Variants in TMED8 observed in about 807,000 individuals in gnomAD.
The protein encoded by TMED8 is transmembrane p24 trafficking protein family member 8, also known as protein TMED8.
In TMED8, 15 loss-of-function variants were observed where a neutral mutation model predicts 32.7. The ratio of observed to expected loss-of-function variants is 0.46; its 90% CI spans 0.31 to 0.71. TMED8 has a LOEUF of 0.71. Ranked by LOEUF, TMED8 falls within the 30% of genes least tolerant of loss-of-function variation. The probability of loss-of-function intolerance (pLI) is 0.06; values close to 1 mark genes in which losing one functional copy is unlikely to be tolerated. For synonymous variants in TMED8, 147 were observed against 161.4 expected (o/e 0.91, Z 0.68); for missense variants, 390 against 423.9 (o/e 0.92, Z 0.70).
intron 1 of TMED8, among the ~76,000 whole-genome samples, chr14:77,372,161 T>C (rs1893690595): frequency 6.6e-6 from 1 of 152,196 alleles, no homozygotes; most frequent in African/African-American, 2.4e-5. Flanking sequence ...ACTTAATTTA[T>C]CATTGATGGC....
chr14:77,373,899 G>GTC (rs370626867), intron 1 of TMED8, among the ~76,000 whole-genome samples: 6 of 151,164 alleles, frequency 4.0e-5, no homozygotes, highest in Non-Finnish European at 5.9e-5. Context: ...ACCTCCTCCC[G>GTC]TCTCTCTCTC....
intron 2 of TMED8, among the ~76,000 whole-genome samples, chr14:77,350,671 G>A (rs909523144): frequency 8.5e-5 from 13 of 152,048 alleles, no homozygotes; most frequent in African/African-American, 2.9e-4. Context: ...TTTAAGGCTC[G>A]GTGTGGTGGC....
Position 77,343,311 on chromosome 14 carries a change from C to T in TMED8, c.627G>A (p.Ala209=), listed in dbSNP as rs147229178. The T allele has an allele frequency of 9.7e-5, 156 of 1,614,168 alleles. No homozygotes were observed. The highest frequency in any genetic ancestry group is 1.2e-4 in the Non-Finnish European group (145 of 1,180,026). Residue 209 remains alanine (A), a synonymous_variant, in exon 5 of 6, where the codon GCG becomes GCA. Transcript: ENST00000216468. ...PEGKRVCWEF[A]TDDYDIGFGV... is the part of the protein sequence containing the mutation. ...CAAAGCCAATGTCATAGTCATCGGT[C>T]GCAAACTCCCAGCAGACACGCTTCC...
rs1193769758 is a variant in TMED8 at position 77,335,591 on chromosome 14, A to G, written c.*6180T>C. 6.6e-6 allele frequency: 1 copy of G among 152,190 alleles called. No homozygotes were observed. Among genetic ancestry groups the G allele is most frequent in the Non-Finnish European group, 1.5e-5 (1 of 68,000 alleles). The allele number at this position is 152,190 out of a possible 1,614,324, so 9.4% of individuals were successfully genotyped here. On this transcript the variant is annotated 3_prime_UTR_variant, in exon 6 of 6. Coordinates refer to ENST00000216468, the MANE Select transcript of TMED8 (RefSeq NM_213601.3). ...TCAGAAAATAGAAGCTAAATGACAT[A>G]AAGTAGTTTGGAAAATCTTCAAGCA...
Position 77,341,887 on chromosome 14 carries a change from C to T in TMED8, c.862G>A (p.Val288Met), listed in dbSNP as rs1198145237. 6.8e-6 allele frequency: 11 copies of T among 1,613,876 alleles called. No homozygotes were observed. Among genetic ancestry groups the T allele is most frequent in the Non-Finnish European group, 9.3e-6 (11 of 1,180,038 alleles). The stretch of plus-strand genomic sequence containing the variant: ...GGGTAGTCATGGCTGCCAGCCTGCA[C>T]GTCTCGGTGGCTGTCCCGCCGGTAC... ...PVYRRDSHRD[V>M]QAGSHDYPGE... The change falls in exon 6 of 6, where the codon GTG (valine) becomes ATG (methionine). Residue 288 changes from valine (V) to methionine (M), a missense_variant. By Grantham distance (21) the Val-to-Met change is conservative (BLOSUM62 1). Coordinates refer to ENST00000216468, the MANE Select transcript of TMED8 (RefSeq NM_213601.3).
chr14:77,344,468 C>T (rs575460706), intron 3 of TMED8, among the ~76,000 whole-genome samples: 6 of 152,326 alleles, frequency 3.9e-5, no homozygotes, highest in African/African-American at 1.4e-4. Context: ...TTAAACAGTA[C>T]ATTTGCTGCC....
chr14:77,358,527 G>C (rs1221463239), intron 1 of TMED8, among the ~76,000 whole-genome samples: 1 of 152,070 alleles, frequency 6.6e-6, no homozygotes, highest in African/African-American at 2.4e-5. Flanking sequence ...TCAAACTCCT[G>C]ACCTCGTGAT....
chr14:77,374,903 C>T (rs1435799794), intron 1 of TMED8, among the ~76,000 whole-genome samples: 1 of 152,148 alleles, frequency 6.6e-6, no homozygotes, highest in African/African-American at 2.4e-5. Context: ...TCTGCGAGTA[C>T]CAATACTTGA....
chr14:77,346,395 A>G lies in TMED8; in HGVS notation c.281T>C (p.Val94Ala). Residue 94 changes from valine (V) to alanine (A), a missense_variant, in exon 3 of 6, where the codon GTG (valine) becomes GCG (alanine). By Grantham distance (64) the Val-to-Ala change is moderately conservative (BLOSUM62 0). Coordinates refer to ENST00000216468, the MANE Select transcript of TMED8 (RefSeq NM_213601.3). ...GTCTGCAGGCAGCAAATCCTGTTTCACCAAGGCCTGAGCCTCCAAAGGACC... is the reference window on the plus strand; with the variant it reads ...GTCTGCAGGCAGCAAATCCTGTTTCGCCAAGGCCTGAGCCTCCAAAGGACC... ...ATGPLEAQAL[V>A]KQDLLPADQA... 6.2e-7 allele frequency: 1 copy of G among 1,613,986 alleles called. No individual in the cohort carries two copies. The highest frequency in any genetic ancestry group is 1.1e-5 in the South Asian group (1 of 91,092).
In TMED8 at chr14:77,341,611, G is replaced by A. The variant is rs1892900416; in HGVS notation, c.*160C>T. On this transcript the variant is annotated 3_prime_UTR_variant, in exon 6 of 6. Transcript: ENST00000216468. ...ACCACCACCTGCAGAAGCCAAGAAG[G>A]GGAAAAAGCTACGTGGGCCAACAGT... 24 of 668,942 alleles carry A rather than the reference G, an allele frequency of 3.6e-5. 1 individual carries two copies. The South Asian group carries it at 4.5e-4, about 12-fold the overall frequency. The allele number at this position is 668,942 out of a possible 1,614,324, so 41.4% of individuals were successfully genotyped here. A position where few individuals can be genotyped will look rare whatever the true frequency, so the allele number is the denominator to read the frequency against.
chr14:77,343,258 G>C lies in TMED8; in HGVS notation c.680C>G (p.Thr227Ser). Reference sequence around the variant, plus strand: ...GACCTGCACAGTTATGTCAGTGCTAGTTACAGGGGTCCAGTCAAAATAAAC... The same window carrying C: ...GACCTGCACAGTTATGTCAGTGCTACTTACAGGGGTCCAGTCAAAATAAAC... The part of the protein sequence containing the change: ...FGVYFDWTPV[T>S]STDITVQVSD... The change falls in exon 5 of 6, where the codon ACT (threonine) becomes AGT (serine). Residue 227 changes from threonine (T) to serine (S), a missense_variant. By Grantham distance (58) the Thr-to-Ser change is moderately conservative. Coordinates refer to ENST00000216468, the MANE Select transcript of TMED8 (RefSeq NM_213601.3). 6.2e-7 allele frequency: 1 copy of C among 1,614,184 alleles called. No individual in the cohort carries two copies. Among genetic ancestry groups the C allele is most frequent in the South Asian group, 1.1e-5 (1 of 91,090 alleles).
chr14:77,364,797 C>T (rs1288437843), intron 1 of TMED8, among the ~76,000 whole-genome samples: 1 of 152,152 alleles, frequency 6.6e-6, no homozygotes, highest in African/African-American at 2.4e-5. Flanking sequence ...ATACACATTG[C>T]CCAATTTCTC....
At chr14:77,371,405 C>A (rs1269876323) in intron 1 of TMED8, among the ~76,000 whole-genome samples, 1 of 152,166 alleles carries the variant, frequency 6.6e-6, no homozygotes, top group Non-Finnish European at 1.5e-5. Flanking sequence ...ATGGTAAGCA[C>A]CACTTCTCAT....
intron 3 of TMED8, among the ~76,000 whole-genome samples, chr14:77,345,546 G>C (rs1893004904): frequency 6.6e-6 from 1 of 151,118 alleles, no homozygotes; most frequent in East Asian, 2.0e-4. Context: ...CTTCCATACA[G>C]CTACTTGGAA....
chr14:77,339,561 A>G lies in TMED8; in HGVS notation c.*2210T>C, dbSNP rs1892843912. On this transcript the variant is annotated 3_prime_UTR_variant, in exon 6 of 6. Transcript: ENST00000216468. ...GCTTTAGCTGACTAGAAAACAGCTC[A>G]GTAGAAAATTATTTTACAAAGATTA... 1 of 152,260 alleles carries G rather than the reference A, an allele frequency of 6.6e-6. No homozygotes were observed. The highest frequency in any genetic ancestry group is 1.5e-5 in the Non-Finnish European group (1 of 68,044). The allele number at this position is 152,260 out of a possible 1,614,324, so 9.4% of individuals were successfully genotyped here.
At chr14:77,355,671 C>T (rs777996463) in intron 1 of TMED8, among the ~76,000 whole-genome samples, 14 of 152,132 alleles carry the variant, frequency 9.2e-5, no homozygotes, top group Non-Finnish European at 2.1e-4. Context: ...ATAACAATTA[C>T]AGATTGTTAT....
chr14:77,347,026 T>A (rs1460729619), intron 2 of TMED8, among the ~76,000 whole-genome samples: 3 of 152,084 alleles, frequency 2.0e-5, no homozygotes, highest in Non-Finnish European at 4.4e-5. Context: ...TCTCCAGAAC[T>A]TGTTCCTCCT....
chr14:77,356,621 A>G (rs1893296394), intron 1 of TMED8, among the ~76,000 whole-genome samples: 4 of 152,224 alleles, frequency 2.6e-5, no homozygotes, highest in Admixed American at 1.3e-4. Context: ...AAGACTTTCA[A>G]CACAGGTACA....
chr14:77,366,221 T>C (rs983207436), intron 1 of TMED8, among the ~76,000 whole-genome samples: 1 of 152,266 alleles, frequency 6.6e-6, no homozygotes, highest in East Asian at 1.9e-4. Context: ...AGAAGTCATC[T>C]GTCAATCTTC....
Sources: gnomAD v4.1 joint callset for allele counts (sites outside exome capture counted in the v4.1 genomes callset) on GRCh38, gnomAD v4.1.1 for gene constraint, MANE v1.5 for transcripts, NCBI Gene and HGNC (gene_info 2026-07-23, HGNC 2026-07-21) for gene names.